Variants in CDKAL1 observed in about 807,000 individuals in gnomAD.
CDKAL1 encodes the protein CDKAL1 threonylcarbamoyladenosine tRNA methylthiotransferase, also known as threonylcarbamoyladenosine tRNA methylthiotransferase.
In CDKAL1, 32 loss-of-function variants were observed where a neutral mutation model predicts 68.2. That is an observed-to-expected ratio of 0.47 (90% CI 0.35 to 0.63). The LOEUF is 0.63. Among genes scored for constraint, CDKAL1 ranks in the 30% least tolerant of loss-of-function variants. CDKAL1 has a pLI of 0.00. For synonymous variants in CDKAL1, 234 were observed against 244.3 expected, an observed-to-expected ratio of 0.96 and a Z score of 0.39; for missense variants, 606 against 696.7, an observed-to-expected ratio of 0.87 and a Z score of 1.47.
At chr6:20,766,971 A>T (rs1016560238) in intron 7 of CDKAL1, among the ~76,000 whole-genome samples, 1 of 152,176 alleles carries the variant, frequency 6.6e-6, no homozygotes, top group African/African-American at 2.4e-5. Flanking sequence ...CACTTAATGT[A>T]TGTATTTTAA....
intron 5 of CDKAL1, among the ~76,000 whole-genome samples, chr6:20,690,648 A>T (rs995463048): frequency 4.0e-5 from 6 of 151,516 alleles, no homozygotes; most frequent in Non-Finnish European, 7.4e-5. Flanking sequence ...TTTTTTTTAT[A>T]TTTTTTTGAT....
intron 13 of CDKAL1, among the ~76,000 whole-genome samples, chr6:21,190,373 GT>G (rs574439404): frequency 1.5e-4 from 20 of 133,772 alleles, no homozygotes; most frequent in Non-Finnish European, 1.2e-4. Context: ...GGTTTTTTTT[GT>G]TTTTTTTTTT....
intron 12 of CDKAL1, among the ~76,000 whole-genome samples, chr6:21,088,100 C>T (rs1448389156): frequency 2.0e-5 from 3 of 152,128 alleles, no homozygotes; most frequent in Non-Finnish European, 4.4e-5. Flanking sequence ...ATGCCAGGGA[C>T]CCACATTTTT....
intron 4 of CDKAL1, among the ~76,000 whole-genome samples, chr6:20,620,254 A>G (rs76049040): frequency 0.017 from 2,530 of 152,324 alleles, 66 homozygotes; most frequent in African/African-American, 0.052. Flanking sequence ...TAACCAAACA[A>G]TGTATATTTA....
intron 12 of CDKAL1, among the ~76,000 whole-genome samples, chr6:21,079,976 C>CTCTGTG (rs1554171489): frequency 7.4e-5 from 10 of 135,748 alleles, no homozygotes; most frequent in African/African-American, 1.4e-4. Flanking sequence ...AACTTTGTCT[C>CTCTGTG]TGTGTGTGTG....
At chr6:20,586,849 C>G (rs990268638) in intron 4 of CDKAL1, among the ~76,000 whole-genome samples, 1 of 152,044 alleles carries the variant, frequency 6.6e-6, no homozygotes, top group Non-Finnish European at 1.5e-5. Flanking sequence ...AAGTGAACAC[C>G]TTTTCTACTT....
At chr6:20,552,270 G>C (rs1332398301) in intron 4 of CDKAL1, among the ~76,000 whole-genome samples, 1 of 151,878 alleles carries the variant, frequency 6.6e-6, no homozygotes, top group Non-Finnish European at 1.5e-5. Context: ...GATCGCTTGA[G>C]CCTGAGAGGT....
intron 15 of CDKAL1, among the ~76,000 whole-genome samples, chr6:21,225,294 G>A (rs1206028922): frequency 6.6e-6 from 1 of 152,132 alleles, no homozygotes; most frequent in Non-Finnish European, 1.5e-5. Context: ...GATGGTTTTA[G>A]TTCGGAGCTT....
At chr6:21,064,224 A>C (rs1771294025) in intron 11 of CDKAL1, among the ~76,000 whole-genome samples, 2 of 152,194 alleles carry the variant, frequency 1.3e-5, no homozygotes, top group Admixed American at 1.3e-4. Context: ...TATCTTTCTG[A>C]TGAAGCTTCT....
At chr6:21,053,217 G>A (rs1048931174) in intron 11 of CDKAL1, among the ~76,000 whole-genome samples, 1 of 152,152 alleles carries the variant, frequency 6.6e-6, no homozygotes, top group Admixed American at 6.5e-5. Flanking sequence ...TCTTATAAAT[G>A]GAATCACAAT....
At chr6:20,920,628 T>C (rs1164881435) in intron 9 of CDKAL1, among the ~76,000 whole-genome samples, 1 of 152,242 alleles carries the variant, frequency 6.6e-6, no homozygotes, top group Non-Finnish European at 1.5e-5. Context: ...TTATTGTTTT[T>C]AGGATTATAT....
rs144257772 is a variant in CDKAL1 at position 20,851,724 on chromosome 6, A to G, written c.742+5546A>G. On this transcript the variant is annotated intron_variant, in intron 9 of 15. Transcript: ENST00000274695. ...TTCGATATTAATGTTGGAATTTTAAAAAATGGATTCTGTATTTCAAGACTT... is the reference window on the plus strand; with the variant it reads ...TTCGATATTAATGTTGGAATTTTAAGAAATGGATTCTGTATTTCAAGACTT... Among the ~76,000 whole-genome samples, 260 of 152,016 alleles carry G rather than the reference A, an allele frequency of 1.7e-3. 1 individual carries two copies. Among genetic ancestry groups the G allele is most frequent in the African/African-American group, 5.8e-3 (240 of 41,434 alleles).
At chr6:20,676,556 A>C (rs1169810193) in intron 5 of CDKAL1, among the ~76,000 whole-genome samples, 2 of 151,870 alleles carry the variant, frequency 1.3e-5, no homozygotes, top group African/African-American at 4.8e-5. Context: ...GGTCCCAGCT[A>C]CTCAGGAGGC....
At chr6:21,074,353 T>C (rs930187477) in intron 12 of CDKAL1, among the ~76,000 whole-genome samples, 13 of 152,208 alleles carry the variant, frequency 8.5e-5, no homozygotes, top group Non-Finnish European at 1.2e-4. Context: ...CTAAGTCATA[T>C]TGGATTAGGG....
intron 4 of CDKAL1, among the ~76,000 whole-genome samples, chr6:20,598,581 T>C (rs1422677262): frequency 6.6e-6 from 1 of 152,214 alleles, no homozygotes; most frequent in East Asian, 1.9e-4. Context: ...TCATAAATGA[T>C]GGCCTATTGA....
chr6:20,691,218 C>T (rs1770855617), intron 5 of CDKAL1, among the ~76,000 whole-genome samples: 1 of 152,138 alleles, frequency 6.6e-6, no homozygotes, highest in Non-Finnish European at 1.5e-5. Context: ...CTTCCCAAAT[C>T]TTTGGACTAG....
At chr6:20,565,956 A>T (rs1764444306) in intron 4 of CDKAL1, among the ~76,000 whole-genome samples, 1 of 152,106 alleles carries the variant, frequency 6.6e-6, no homozygotes, top group African/African-American at 2.4e-5. Context: ...TTTGTGGGAA[A>T]ATTAGAAAAA....
intron 5 of CDKAL1, among the ~76,000 whole-genome samples, chr6:20,705,580 G>A (rs2127823076): frequency 6.6e-6 from 1 of 152,266 alleles, no homozygotes; most frequent in East Asian, 1.9e-4. Context: ...ATCTCACCAG[G>A]AAAGACCCCC....
chr6:20,636,168 G>A (rs1315859092), intron 4 of CDKAL1, among the ~76,000 whole-genome samples: 3 of 152,222 alleles, frequency 2.0e-5, no homozygotes, highest in Middle Eastern at 3.4e-3. Flanking sequence ...GAGGGACAAG[G>A]TCAGAGAGAC....
Sources: gnomAD v4.1 joint callset for allele counts (sites outside exome capture counted in the v4.1 genomes callset) on GRCh38, gnomAD v4.1.1 for gene constraint, MANE v1.5 for transcripts, NCBI Gene and HGNC (gene_info 2026-07-23, HGNC 2026-07-21) for gene names.